The following COL17A1 variants were observed in gnomAD, a reference collection of about 807,000 sequenced individuals.
COL17A1 encodes collagen alpha-1(XVII) chain.
In COL17A1, 181 loss-of-function variants were observed where a neutral mutation model predicts 218.4. The observed-to-expected ratio is 0.83, with a 90% CI of 0.73 to 0.94. The LOEUF (loss-of-function observed/expected upper bound fraction) is 0.94. Ranked by LOEUF, COL17A1 falls within the 40% of genes least tolerant of loss-of-function variation. The pLI is 0.00. For missense variants in COL17A1, 1,924 were observed against 1,945.9 expected (o/e 0.99, Z 0.21); for synonymous variants, 721 against 731.0 (o/e 0.99, Z 0.22).
At position 104,040,422 on chromosome 10, in the gene COL17A1, G is replaced by T; in HGVS notation, c.2702-12C>A. The T allele has an allele frequency of 6.3e-7, 1 of 1,599,968 alleles. No homozygotes were observed. On this transcript the variant is annotated splice_polypyrimidine_tract_variant and intron_variant, in intron 39 of 55. Transcript: ENST00000648076. ...GGAGAGGAAGGTTTCTGCAGAGGAA[G>T]GAAATAGTTTGAGTATGGACACTGA...
chr10:104,070,998 G>GT (rs2086665203), intron 8 of COL17A1, among the ~76,000 whole-genome samples: 1 of 152,192 alleles, frequency 6.6e-6, no homozygotes, highest in Admixed American at 6.5e-5. Context: ...GCCTGGGGCT[G>GT]TCAAAAGGAA....
chr10:104,074,273 G>T (rs1439656518), intron 5 of COL17A1, 42 bp from the exon 6 acceptor site: 29 of 1,613,868 alleles, frequency 1.8e-5, no homozygotes, highest in Non-Finnish European at 2.3e-5. Flanking sequence ...GGCCTCTTAG[G>T]CCCATAAAGC....
At chr10:104,050,043 A>G in intron 28 of COL17A1, 46 bp downstream of exon 28, 1 of 1,613,832 alleles carries the variant, frequency 6.2e-7, no homozygotes, top group Non-Finnish European at 8.5e-7. Flanking sequence ...TGATGGATTT[A>G]CAAAAGTCGT....
Position 104,034,196 on chromosome 10 carries a change from C to T in COL17A1, c.3905G>A (p.Arg1302Lys), listed in dbSNP as rs1347182934. 5.0e-6 allele frequency: 8 copies of T among 1,613,292 alleles called. No homozygotes were observed. The highest frequency in any genetic ancestry group is 5.1e-6 in the Non-Finnish European group (6 of 1,179,934). ...SSSSSHSSSVRRGSSYSSSMS... is the reference protein window; with the variant it reads ...SSSSSHSSSVKRGSSYSSSMS... ...GGAAGAGCTGTAGGAGCTGCCCCGC[C>T]TGACAGATGAGCTGTGTGAGGAGGA... The change falls in exon 52 of 56, where the codon AGG (arginine) becomes AAG (lysine). Residue 1302 changes from arginine to lysine, a missense_variant. Coordinates refer to ENST00000648076, the MANE Select transcript of COL17A1 (RefSeq NM_000494.4).
intron 39 of COL17A1, 145 bp from the exon 40 acceptor site, chr10:104,040,555 T>C (rs1230600428): frequency 2.0e-5 from 12 of 599,148 alleles, no homozygotes; most frequent in Non-Finnish European, 3.7e-5. Flanking sequence ...GGTGGGTGGA[T>C]GAATGGGCGG....
At chr10:104,036,361 C>T in intron 48 of COL17A1, 131 bp downstream of exon 48, 1 of 1,324,276 alleles carries the variant, frequency 7.6e-7, no homozygotes, top group Non-Finnish European at 1.1e-6. Flanking sequence ...GCTCTGAGCA[C>T]TGCTCATTGC....
chr10:104,032,588 C>A, intron 55 of COL17A1, 86 bp downstream of exon 55: 1 of 1,411,820 alleles, frequency 7.1e-7, no homozygotes, highest in Non-Finnish European at 1.0e-6. Flanking sequence ...CTCAGGCTTG[C>A]TCTGGAACAA....
Position 104,033,234 on chromosome 10 carries a change from T to C in COL17A1, c.4294+4A>G. 1 of 1,582,224 alleles carries C rather than the reference T, an allele frequency of 6.3e-7. No individual in the cohort carries two copies. The highest frequency in any genetic ancestry group is 8.6e-7 in the Non-Finnish European group (1 of 1,163,902). ...GTGCTGGGAAAGCAGTTGGATGCCC[T>C]TACTTTGGAAGAAGTCCATGAGGTC... is the stretch of plus-strand genomic sequence containing the variant. On this transcript the variant is annotated splice_donor_region_variant and intron_variant, in intron 53 of 55. Coordinates refer to ENST00000648076, the MANE Select transcript of COL17A1 (RefSeq NM_000494.4).
rs1230537680 is a variant in COL17A1, at chr10:104,034,270, C to T, written c.3831G>A (p.Gly1277=). 4 of 1,598,044 alleles carry T rather than the reference C, an allele frequency of 2.5e-6. No individual in the cohort carries two copies. Among genetic ancestry groups the T allele is most frequent in the Non-Finnish European group, 3.4e-6 (4 of 1,174,072 alleles). The change falls in exon 52 of 56, where the codon GGG becomes GGA. Residue 1277 remains glycine (G), a synonymous_variant. Transcript: ENST00000648076. ...CATCCGTGGACAGGAGGCGGCTGTCCCCAGGGGGTCCCTGCGGCCCAGGAG... is the reference window on the plus strand; with the variant it reads ...CATCCGTGGACAGGAGGCGGCTGTCTCCAGGGGGTCCCTGCGGCCCAGGAG... ...PGPPGPQGPP[G]DSRLLSTDAS...
chr10:104,033,054 G>GAGAT, intron 53 of COL17A1, 86 bp from the exon 54 acceptor site: 2 of 1,548,844 alleles, frequency 1.3e-6, no homozygotes, highest in Non-Finnish European at 1.8e-6. Flanking sequence ...GTAACACAGA[G>GAGAT]AGATAGTGAT....
rs764409700 is a variant in COL17A1, at chr10:104,051,484, G to A, written c.2035C>T (p.Pro679Ser). ...TTACAAGAAGCAGCAAACTGACCTG[G>A]AGGGCCCTGTGGGCCAGGAGAGCCG... Reference protein sequence around the residue: ...SSGSPGPQGPPGPVGLQGLRG... With the variant: ...SSGSPGPQGPSGPVGLQGLRG... Residue 679 changes from proline to serine, a missense_variant, in exon 25 of 56, where the codon CCA (proline) becomes TCA (serine). Transcript: ENST00000648076. The A allele has an allele frequency of 8.7e-6, 14 of 1,613,952 alleles. No homozygotes were observed. In the Admixed American group the frequency reaches 2.3e-4, roughly 27 times the overall value.
chr10:104,071,983 G>T, intron 8 of COL17A1, 49 bp downstream of exon 8: 1 of 1,613,158 alleles, frequency 6.2e-7, no homozygotes, highest in Non-Finnish European at 8.5e-7. Flanking sequence ...CACAGCACTA[G>T]CCCTGGATTT....
chr10:104,077,149 G>T (rs2086717714), intron 4 of COL17A1, among the ~76,000 whole-genome samples: 1 of 152,198 alleles, frequency 6.6e-6, no homozygotes, highest in South Asian at 2.1e-4. Context: ...TATTTATATT[G>T]TGGACTTAAT....
At chr10:104,057,242 T>A in intron 16 of COL17A1, 70 bp from the exon 17 acceptor site, 1 of 1,611,994 alleles carries the variant, frequency 6.2e-7, no homozygotes. Flanking sequence ...ATTCTCTGAC[T>A]TTTGGTGACT....
In COL17A1 at chr10:104,041,322, T is replaced by C. The variant is rs201686075; in HGVS notation, c.2628A>G (p.Pro876=). 14 of 1,610,396 alleles carry C rather than the reference T, an allele frequency of 8.7e-6. No individual in the cohort carries two copies. The highest frequency in any genetic ancestry group is 1.1e-5 in the Non-Finnish European group (13 of 1,178,446). Residue 876 remains proline (P), a synonymous_variant, in exon 38 of 56, where the codon CCA becomes CCG. Coordinates refer to ENST00000648076, the MANE Select transcript of COL17A1 (RefSeq NM_000494.4). Reference sequence around the variant, plus strand: ...TCTCACCTGGTGGGCCTCGGGGTCCTGGTGGGCCTGGAATGGAAGGCCCTG... The same window carrying C: ...TCTCACCTGGTGGGCCTCGGGGTCCCGGTGGGCCTGGAATGGAAGGCCCTG... ...GPPGPSIPGP[P]GPRGPPGEGL...
In COL17A1 at chr10:104,077,473, G is replaced by C; in HGVS notation, c.151C>G (p.Arg51Gly). The change falls in exon 4 of 56, where the codon CGG becomes GGG. Residue 51 changes from arginine (R) to glycine (G), a missense_variant. Physicochemically the swap from Arg to Gly is moderately radical, Grantham distance 125. Coordinates refer to ENST00000648076, the MANE Select transcript of COL17A1 (RefSeq NM_000494.4). ...TGAGTCAGGCTTTGTTTCTCCAGCC[G>C]GCTCCCTCCACCAAGAGAGGCTGTT... The part of the protein sequence containing the change: ...AKTASLGGGS[R>G]LEKQSLTHGS... The C allele has an allele frequency of 6.2e-7, 1 of 1,613,420 alleles. No homozygotes were observed. The highest frequency in any genetic ancestry group is 8.5e-7 in the Non-Finnish European group (1 of 1,179,840).
intron 51 of COL17A1, 61 bp downstream of exon 51, chr10:104,034,560 C>A: frequency 1.3e-6 from 2 of 1,578,928 alleles, no homozygotes; most frequent in Non-Finnish European, 1.7e-6. Context: ...CCCTGCCCCA[C>A]TTACAGGGAA....
chr10:104,074,754 C>T (rs773022647), intron 5 of COL17A1, among the ~76,000 whole-genome samples: 44 of 152,244 alleles, frequency 2.9e-4, no homozygotes, highest in Non-Finnish European at 4.6e-4. Flanking sequence ...AGCTCTTGTC[C>T]TGCAGCGGCA....
At chr10:104,049,081 G>A (rs1320174082) in intron 29 of COL17A1, among the ~76,000 whole-genome samples, 1 of 152,148 alleles carries the variant, frequency 6.6e-6, no homozygotes. Context: ...CATGAGACTA[G>A]CCCTGGGATT....
Sources: allele counts gnomAD v4.1 joint callset (sites outside exome capture counted in the v4.1 genomes callset), GRCh38; gene constraint gnomAD v4.1.1; transcripts MANE v1.5; gene names NCBI Gene and HGNC (gene_info 2026-07-23, HGNC 2026-07-21).